Variants in SCAF4 observed in about 807,000 individuals in gnomAD.
The protein encoded by SCAF4 is SR-related and CTD-associated factor 4.
Under a neutral mutation model 129.8 loss-of-function variants are expected in SCAF4, and 25 were observed. The observed-to-expected ratio is 0.19, with a 90% confidence interval of 0.14 to 0.27. The LOEUF (loss-of-function observed/expected upper bound fraction) is 0.27, where lower values mean the gene tolerates loss of function less well. SCAF4 is among the 10% of genes least tolerant of loss of function. The pLI is 1.00. For synonymous variants in SCAF4, 551 were observed against 497.7 expected (o/e 1.11, Z -1.43); for missense variants, 1,246 against 1,457.1 (o/e 0.86, Z 2.36).
intron 19 of SCAF4, among the ~76,000 whole-genome samples, chr21:31,680,105 T>G (rs572404191): frequency 6.6e-6 from 1 of 152,302 alleles, no homozygotes; most frequent in Non-Finnish European, 1.5e-5. Context: ...TTACTGCCCC[T>G]CCCACCTTCC....
At chr21:31,707,930 T>C (rs1276312723) in intron 1 of SCAF4, among the ~76,000 whole-genome samples, 1 of 152,236 alleles carries the variant, frequency 6.6e-6, no homozygotes. Context: ...TTCCATAAGA[T>C]ACAGAAAACA....
chr21:31,703,607 G>A (rs1377478509), intron 4 of SCAF4, among the ~76,000 whole-genome samples, 158 bp downstream of exon 4: 2 of 151,924 alleles, frequency 1.3e-5, no homozygotes, highest in African/African-American at 2.4e-5. Context: ...AAATAAACAC[G>A]AAATGACCAC....
chr21:31,672,753 C>T (rs2049742954), intron 19 of SCAF4, among the ~76,000 whole-genome samples: 1 of 152,188 alleles, frequency 6.6e-6, no homozygotes, highest in Non-Finnish European at 1.5e-5. Flanking sequence ...ACTAAGCATA[C>T]TGCAGGTGCA....
chr21:31,692,892 A>G (rs2050293346), intron 12 of SCAF4, among the ~76,000 whole-genome samples: 1 of 152,214 alleles, frequency 6.6e-6, no homozygotes, highest in Non-Finnish European at 1.5e-5. Flanking sequence ...GTCCTAGGTG[A>G]TAAGCCTTAT....
chr21:31,675,448 T>C (rs542349075), intron 19 of SCAF4, among the ~76,000 whole-genome samples: 10 of 152,190 alleles, frequency 6.6e-5, no homozygotes, highest in Non-Finnish European at 1.3e-4. Context: ...TGAGAGGTGC[T>C]AGAGATGGAG....
intron 1 of SCAF4, among the ~76,000 whole-genome samples, chr21:31,723,366 T>C (rs2051118060): frequency 6.6e-6 from 1 of 151,374 alleles, no homozygotes; most frequent in Non-Finnish European, 1.5e-5. Context: ...GGCAGGAGAA[T>C]TGCTTGAACC....
intron 1 of SCAF4, among the ~76,000 whole-genome samples, chr21:31,731,433 G>C (rs1222394857): frequency 6.6e-6 from 1 of 152,186 alleles, no homozygotes; most frequent in African/African-American, 2.4e-5. Context: ...GGAGAAGCCC[G>C]AGGTCGCGGT....
At chr21:31,683,508 G>C (rs1468022186) in intron 19 of SCAF4, among the ~76,000 whole-genome samples, 1 of 152,100 alleles carries the variant, frequency 6.6e-6, no homozygotes, top group Non-Finnish European at 1.5e-5. Flanking sequence ...TAAACTCCTG[G>C]AGTTCATGAG....
At chr21:31,695,246 A>C (rs983373320) in intron 9 of SCAF4, among the ~76,000 whole-genome samples, 5 of 152,232 alleles carry the variant, frequency 3.3e-5, no homozygotes, top group Non-Finnish European at 7.3e-5. Flanking sequence ...ACCTTCATTT[A>C]CATAAGGAAG....
chr21:31,724,292 C>T (rs907602537), intron 1 of SCAF4, among the ~76,000 whole-genome samples: 30 of 152,242 alleles, frequency 2.0e-4, no homozygotes, highest in African/African-American at 6.7e-4. Context: ...CTGGTAAGGC[C>T]TCTTCTAACG....
chr21:31,701,828 G>C lies in SCAF4; in HGVS notation c.548C>G (p.Ser183Cys), dbSNP rs756717232. 1 of 1,614,124 alleles carries C rather than the reference G, an allele frequency of 6.2e-7. No homozygotes were observed. Among genetic ancestry groups the C allele is most frequent in the Non-Finnish European group, 8.5e-7 (1 of 1,180,024 alleles). Residue 183 changes from serine to cysteine, a missense_variant, in exon 6 of 20, where the codon TCT (serine) becomes TGT (cysteine). Ser to Cys is a moderately radical substitution (Grantham distance 112). Coordinates refer to ENST00000286835, the MANE Select transcript of SCAF4 (RefSeq NM_020706.2). ...CTGAGCCACAGCAGCAAAAGCATCA[G>C]AGCTGGGCAACTGTGGTACAGCTGG... is the stretch of plus-strand genomic sequence containing the variant. The part of the protein sequence containing the change: ...SVPAVPQLPS[S>C]DAFAAVAQLF...
At chr21:31,697,752 G>A (rs960317753) in intron 7 of SCAF4, among the ~76,000 whole-genome samples, 1 of 152,198 alleles carries the variant, frequency 6.6e-6, no homozygotes, top group African/African-American at 2.4e-5. Flanking sequence ...CAAATGAAAA[G>A]TTCTGTCCTT....
In SCAF4 at chr21:31,719,419, C is replaced by T. The variant is rs558026998; in HGVS notation, c.30+12244G>A. 7.2e-5 allele frequency among the ~76,000 whole-genome samples: 11 copies of T among 152,246 alleles called. No individual in the cohort carries two copies. In the South Asian group the frequency reaches 8.3e-4, roughly 11 times the overall value. On this transcript the variant is annotated intron_variant, in intron 1 of 19. Transcript: ENST00000286835. The stretch of plus-strand genomic sequence containing the variant: ...AGCCCTTATTCTATTACCATTTACT[C>T]CGGGCAGAACTAATTTTCTAAGTAT...
At position 31,696,109 on chromosome 21, in the gene SCAF4, G is replaced by A. The variant is rs376471988; in HGVS notation, c.1068+4C>T. On this transcript the variant is annotated splice_donor_region_variant and intron_variant, in intron 9 of 19. Coordinates refer to ENST00000286835, the MANE Select transcript of SCAF4 (RefSeq NM_020706.2). The stretch of plus-strand genomic sequence containing the variant: ...TCTTTGAACTGCAAGAAAAATGCTT[G>A]TACCTGATGGTGCATTGGATCCTGT... 3.8e-5 allele frequency: 61 copies of A among 1,598,108 alleles called. No individual in the cohort carries two copies. The highest frequency in any genetic ancestry group is 4.8e-5 in the Non-Finnish European group (56 of 1,166,028).
Position 31,685,448 on chromosome 21 carries a change from G to A in SCAF4, c.2246C>T (p.Pro749Leu), listed in dbSNP as rs1256772044. 2.5e-6 allele frequency: 4 copies of A among 1,613,492 alleles called. No individual in the cohort carries two copies. The highest frequency in any genetic ancestry group is 2.5e-6 in the Non-Finnish European group (3 of 1,179,748). The change falls in exon 18 of 20, where the codon CCA (proline) becomes CTA (leucine). Residue 749 changes from proline to leucine, a missense_variant. Physicochemically the swap from Pro to Leu is moderately conservative, Grantham distance 98. Transcript: ENST00000286835. ...GTGAGGAGGAGGAATGGATACTGGT[G>A]GAGTTATAGGAGGTGGGGGTCCAGG... ...LPPGPPPPITPPVSIPPPHTP... is the reference protein window; with the variant it reads ...LPPGPPPPITLPVSIPPPHTP...
chr21:31,696,591 G>A lies in SCAF4; in HGVS notation c.937C>T (p.Pro313Ser). 2 of 1,611,020 alleles carry A rather than the reference G, an allele frequency of 1.2e-6. No individual in the cohort carries two copies. Among genetic ancestry groups the A allele is most frequent in the Middle Eastern group, 1.7e-4 (1 of 6,038 alleles). The change falls in exon 8 of 20, where the codon CCT becomes TCT. Residue 313 changes from proline to serine, a missense_variant. Around this residue, in one of 6 missense-constraint regions of SCAF4, gnomAD observed 236 missense variants for 210.0 expected, o/e 1.12. Coordinates refer to ENST00000286835, the MANE Select transcript of SCAF4 (RefSeq NM_020706.2). ...AACAATGGTGCCTGTGGAGGAGGAG[G>A]AGAGGCAGCAGCGGGTGCAGCAGCA... ...PAAAAPAAASPPPPQAPFGFP... is the reference protein window; with the variant it reads ...PAAAAPAAASSPPPQAPFGFP...
Position 31,696,538 on chromosome 21 carries a change from T to C in SCAF4, c.959+31A>G, listed in dbSNP as rs376344597. 5 of 1,551,484 alleles carry C rather than the reference T, an allele frequency of 3.2e-6. No individual in the cohort carries two copies. In the African/African-American group the frequency reaches 5.5e-5, roughly 17 times the overall value. On this transcript the variant is annotated intron_variant, in intron 8 of 19. Coordinates refer to ENST00000286835, the MANE Select transcript of SCAF4 (RefSeq NM_020706.2). Reference sequence around the variant, plus strand: ...TGCCTTACAACTATTACCAATTTTCTATCTGCTGAGGAATAAAAAAAAAAA... The same window carrying C: ...TGCCTTACAACTATTACCAATTTTCCATCTGCTGAGGAATAAAAAAAAAAA...
At chr21:31,725,208 A>T (rs2051172725) in intron 1 of SCAF4, among the ~76,000 whole-genome samples, 1 of 152,184 alleles carries the variant, frequency 6.6e-6, no homozygotes, top group South Asian at 2.1e-4. Flanking sequence ...CCCTCTGTCT[A>T]CATGTCTTTA....
intron 19 of SCAF4, among the ~76,000 whole-genome samples, chr21:31,678,223 C>T (rs369894663): frequency 1.3e-5 from 2 of 152,166 alleles, no homozygotes; most frequent in African/African-American, 4.8e-5. Context: ...ATAGGCTCCC[C>T]TCAAACCCAC....
Sources: allele counts gnomAD v4.1 joint callset (sites outside exome capture counted in the v4.1 genomes callset), GRCh38; gene constraint gnomAD v4.1.1; regional missense constraint gnomAD v4.1.1; transcripts MANE v1.5; gene names NCBI Gene and HGNC (gene_info 2026-07-23, HGNC 2026-07-21).